Variants in IFRD1 observed in about 807,000 individuals in gnomAD.
IFRD1 encodes interferon-related developmental regulator 1.
In IFRD1, 35 loss-of-function variants were observed where a neutral mutation model predicts 52.9. That is an observed-to-expected ratio of 0.66 (90% CI 0.51 to 0.88). The LOEUF is 0.88. IFRD1 is among the 40% of genes least tolerant of loss of function. The probability of loss-of-function intolerance (pLI) is 0.00; values close to 1 mark genes in which losing one functional copy is unlikely to be tolerated. For missense variants in IFRD1, 517 were observed against 550.8 expected, an observed-to-expected ratio of 0.94 and a Z score of 0.61; for synonymous variants, 184 against 188.4, an observed-to-expected ratio of 0.98 and a Z score of 0.19.
At chr7:112,441,111 G>A (rs1416467413) in intron 1 of IFRD1, among the ~76,000 whole-genome samples, 1 of 151,832 alleles carries the variant, frequency 6.6e-6, no homozygotes, top group Non-Finnish European at 1.5e-5. Context: ...CTGTCTTTAC[G>A]AAAAACACAA....
intron 1 of IFRD1, chr7:112,452,227 T>C: frequency 1.7e-6 from 1 of 573,846 alleles, no homozygotes; most frequent in Non-Finnish European, 2.2e-6. Flanking sequence ...TGTGGTGTGA[T>C]CATAGCTCAC....
At chr7:112,449,251 T>A (rs888575999), upstream of IFRD1, among the ~76,000 whole-genome samples, 1 of 152,138 alleles carries the variant, frequency 6.6e-6, no homozygotes, top group Non-Finnish European at 1.5e-5. Flanking sequence ...TTAAAACTAA[T>A]TGCTTTGCGG....
Position 112,443,447 on chromosome 7 carries a change from C to T in IFRD1, c.-181-7061C>T, listed in dbSNP as rs137945111. Among the ~76,000 whole-genome samples the T allele has an allele frequency of 2.4e-4, 36 of 151,762 alleles. 1 individual carries two copies. The East Asian group carries it at 6.4e-3, about 27-fold the overall frequency. ...AGTAAATTAGCTGGGATACATGCGT[C>T]TGTATCCCAGCTACTCAGGAGGCTG... On this transcript the variant is annotated intron_variant, in intron 1 of 12. Coordinates refer to the IFRD1 transcript ENST00000005558.
At chr7:112,426,594 C>G (rs1794431594) in intron 1 of IFRD1, among the ~76,000 whole-genome samples, 1 of 152,186 alleles carries the variant, frequency 6.6e-6, no homozygotes, top group Non-Finnish European at 1.5e-5. Context: ...TCTGAATGCA[C>G]CCCTCCTCTT....
chr7:112,424,704 C>A (rs539772345), intron 1 of IFRD1, among the ~76,000 whole-genome samples: 3 of 152,208 alleles, frequency 2.0e-5, no homozygotes, highest in Admixed American at 2.0e-4. Context: ...CCTGAGCCAC[C>A]GTGCCAGGCC....
intron 9 of IFRD1, among the ~76,000 whole-genome samples, chr7:112,470,999 G>C (rs1310296131): frequency 6.6e-6 from 1 of 152,094 alleles, no homozygotes; most frequent in Non-Finnish European, 1.5e-5. Flanking sequence ...GAGGGACAGA[G>C]GTTTGTCTGT....
chr7:112,445,814 T>G (rs899766797), upstream of IFRD1, among the ~76,000 whole-genome samples: 3 of 152,214 alleles, frequency 2.0e-5, no homozygotes, highest in Non-Finnish European at 4.4e-5. Context: ...GTGACAAAAC[T>G]GGGCTTTGCC....
chr7:112,434,253 T>C (rs908110255), intron 1 of IFRD1, among the ~76,000 whole-genome samples: 4 of 152,180 alleles, frequency 2.6e-5, no homozygotes, highest in Non-Finnish European at 5.9e-5. Context: ...TATAGTTCTT[T>C]ATTTTGTGCA....
At position 112,455,966 on chromosome 7, in the gene IFRD1, T is replaced by G. The variant is rs762992688; in HGVS notation, c.200-36T>G. Reference sequence around the variant, plus strand: ...TACTATTATTCCCTGTTTTTTTTCTTTTAAATTACGATGGCTGTTTTATAT... The same window carrying G: ...TACTATTATTCCCTGTTTTTTTTCTGTTAAATTACGATGGCTGTTTTATAT... On this transcript the variant is annotated intron_variant, in intron 2 of 11. Coordinates refer to ENST00000403825, the MANE Select transcript of IFRD1 (RefSeq NM_001550.4). 9 of 1,507,314 alleles carry G rather than the reference T, an allele frequency of 6.0e-6. No homozygotes were observed. In the East Asian group the frequency reaches 1.8e-4, roughly 30 times the overall value. 93.4% of individuals were successfully genotyped at this position (1,507,314 alleles called of 1,614,324 possible).
At chr7:112,455,086 A>G (rs943046840) in intron 1 of IFRD1, among the ~76,000 whole-genome samples, 3 of 151,794 alleles carry the variant, frequency 2.0e-5, no homozygotes, top group African/African-American at 7.3e-5. Flanking sequence ...CAGGTCTCAA[A>G]TTCCTGACCT....
chr7:112,434,687 A>ATAACTT (rs1380401198), intron 1 of IFRD1, among the ~76,000 whole-genome samples: 1 of 152,234 alleles, frequency 6.6e-6, no homozygotes, highest in Non-Finnish European at 1.5e-5. Flanking sequence ...ATAAAATTAA[A>ATAACTT]TAACTTTAAC....
intron 2 of IFRD1, 62 bp downstream of exon 2, chr7:112,455,929 G>A (rs925969763): frequency 4.8e-6 from 7 of 1,447,752 alleles, no homozygotes; most frequent in East Asian, 2.3e-5. Flanking sequence ...AGGAATTCTT[G>A]TAGCTAAAGT....
chr7:112,443,941 T>C (rs553189047), intron 1 of IFRD1, among the ~76,000 whole-genome samples: 2 of 151,598 alleles, frequency 1.3e-5, no homozygotes, highest in South Asian at 2.1e-4. Context: ...ACAAAACTAG[T>C]TGTAGAATGT....
chr7:112,473,227 C>T (rs1365147725), intron 11 of IFRD1, among the ~76,000 whole-genome samples: 5 of 152,062 alleles, frequency 3.3e-5, no homozygotes, highest in South Asian at 2.1e-4. Flanking sequence ...ATATATTTTA[C>T]GTATAATTCT....
intron 9 of IFRD1, among the ~76,000 whole-genome samples, chr7:112,471,151 T>G (rs1795735308): frequency 6.6e-6 from 1 of 152,192 alleles, no homozygotes; most frequent in Admixed American, 6.5e-5. Context: ...TTTATTTATT[T>G]ATTTTTGAGC....
intron 8 of IFRD1, 90 bp downstream of exon 8, chr7:112,462,468 T>A: frequency 1.1e-6 from 1 of 870,490 alleles, no homozygotes; most frequent in Non-Finnish European, 1.9e-6. Flanking sequence ...GCAATAACTT[T>A]GGAACATGGC....
intron 10 of IFRD1, 91 bp from the exon 11 acceptor site, chr7:112,472,675 C>T: frequency 1.1e-6 from 1 of 883,886 alleles, no homozygotes; most frequent in Non-Finnish European, 1.9e-6. Context: ...GTGGGTTCCA[C>T]ATAACTTCTG....
intron 3 of IFRD1, 29 bp downstream of exon 3, chr7:112,456,115 G>A (rs201266306): frequency 8.3e-7 from 1 of 1,204,004 alleles, no homozygotes; most frequent in Non-Finnish European, 1.2e-6. Flanking sequence ...TCCATTCTGT[G>A]TGAGTCTATG....
intron 8 of IFRD1, among the ~76,000 whole-genome samples, chr7:112,463,853 T>TAC (rs72284919): frequency 0.019 from 822 of 43,418 alleles, 13 homozygotes; most frequent in Admixed American, 0.072. Context: ...CACATTTATA[T>TAC]ACACACACAC....
Sources: gnomAD v4.1 joint callset for allele counts (sites outside exome capture counted in the v4.1 genomes callset) on GRCh38, gnomAD v4.1.1 for gene constraint, MANE v1.5 for transcripts, NCBI Gene and HGNC (gene_info 2026-07-23, HGNC 2026-07-21) for gene names.